The following TNIK variants were observed in gnomAD, a reference collection of about 807,000 sequenced individuals.
TNIK encodes TRAF2 and NCK-interacting protein kinase.
TNIK carries 49 observed loss-of-function variants against 191.3 expected under a neutral mutation model. The ratio of observed to expected loss-of-function variants is 0.26; its 90% CI spans 0.20 to 0.32. TNIK has a LOEUF of 0.32. Ranked by LOEUF, TNIK falls within the 10% of genes least tolerant of loss-of-function variation. TNIK has a pLI of 1.00. For synonymous variants in TNIK, 594 were observed against 600.9 expected (o/e 0.99, Z 0.17); for missense variants, 1,155 against 1,702.3 (o/e 0.68, Z 5.66).
At chr3:171,205,567 T>TC (rs1739954625) in intron 4 of TNIK, among the ~76,000 whole-genome samples, 1 of 152,098 alleles carries the variant, frequency 6.6e-6, no homozygotes. Context: ...TACTTGCAGA[T>TC]CCCCCCTTCA....
chr3:171,322,460 C>G (rs954362833), intron 2 of TNIK, among the ~76,000 whole-genome samples: 3 of 152,064 alleles, frequency 2.0e-5, no homozygotes, highest in African/African-American at 7.2e-5. Flanking sequence ...TTAGTAAATA[C>G]CTTTCAGAAC....
In TNIK at chr3:171,376,380, A is replaced by C. The variant is rs1021908266; in HGVS notation, c.58-6695T>G. On this transcript the variant is annotated intron_variant, in intron 1 of 32. Transcript: ENST00000436636. ...TAAAGCAGTAGAGGTTTGCAGAGTC[A>C]AAGGTCTTGCTTTACACAGTAAGAT... Among the ~76,000 whole-genome samples the C allele has an allele frequency of 5.9e-5, 9 of 152,316 alleles. No individual in the cohort carries two copies. The East Asian group carries it at 1.5e-3, about 26-fold the overall frequency.
chr3:171,380,644 C>T (rs1178322736), intron 1 of TNIK, among the ~76,000 whole-genome samples: 1 of 152,208 alleles, frequency 6.6e-6, no homozygotes, highest in African/African-American at 2.4e-5. Flanking sequence ...GTATGAGGCC[C>T]CCTTTACCAG....
At chr3:171,244,998 C>CCA (rs1745435191) in intron 2 of TNIK, among the ~76,000 whole-genome samples, 1 of 152,052 alleles carries the variant, frequency 6.6e-6, no homozygotes, top group Non-Finnish European at 1.5e-5. Flanking sequence ...TTTAACTATA[C>CCA]CAATAATGAT....
At chr3:171,099,707 G>T (rs1723187638) in intron 22 of TNIK, among the ~76,000 whole-genome samples, 1 of 152,162 alleles carries the variant, frequency 6.6e-6, no homozygotes. Flanking sequence ...AGGCGGGGCT[G>T]TGAGTAGGTG....
At chr3:171,224,386 C>T (rs9985245) in intron 3 of TNIK, among the ~76,000 whole-genome samples, 56,802 of 151,712 alleles carry the variant, frequency 0.37, 11,695 homozygotes, top group African/African-American at 0.54. Flanking sequence ...CCTATATGCA[C>T]TTCAGGGTGT....
intron 2 of TNIK, among the ~76,000 whole-genome samples, chr3:171,281,705 C>G (rs1750444339): frequency 1.3e-5 from 2 of 152,208 alleles, no homozygotes; most frequent in Admixed American, 6.5e-5. Context: ...CAAATATACA[C>G]ATATATAAAC....
chr3:171,417,144 T>C (rs955671675), intron 1 of TNIK, among the ~76,000 whole-genome samples: 2 of 152,240 alleles, frequency 1.3e-5, no homozygotes, highest in African/African-American at 2.4e-5. Context: ...TTGCCAATAA[T>C]TTTATATATT....
At chr3:171,437,220 A>C (rs1045067795) in intron 1 of TNIK, among the ~76,000 whole-genome samples, 1 of 152,166 alleles carries the variant, frequency 6.6e-6, no homozygotes, top group Non-Finnish European at 1.5e-5. Flanking sequence ...TAAAGGAAAA[A>C]AGCACCCAAG....
intron 2 of TNIK, among the ~76,000 whole-genome samples, chr3:171,319,482 A>AT (rs1398061285): frequency 1.3e-5 from 2 of 152,026 alleles, no homozygotes; most frequent in African/African-American, 2.4e-5. Flanking sequence ...CTTCCTTGGT[A>AT]TTTTTTAATA....
At chr3:171,344,706 CTTTTTACAACATTACGAAATTCTCG>C (rs138501679) in intron 2 of TNIK, among the ~76,000 whole-genome samples, 10,441 of 152,074 alleles carry the variant, frequency 0.069, 456 homozygotes, top group South Asian at 0.13. Context: ...TAAATTACCT[CTTTTTACAACATTACGAAATTCTCG>C]TTTTTCTTAA....
In TNIK at chr3:171,250,890, C is replaced by T. The variant is rs1331134067; in HGVS notation, c.124-22669G>A. ...GTTTTTATCTTGCAATCCTCTGCTGCAACAATTATCAATTGATGGTGTCCC... is the reference window on the plus strand; with the variant it reads ...GTTTTTATCTTGCAATCCTCTGCTGTAACAATTATCAATTGATGGTGTCCC... On this transcript the variant is annotated intron_variant, in intron 2 of 32. Coordinates refer to ENST00000436636, the MANE Select transcript of TNIK (RefSeq NM_015028.4). Among the ~76,000 whole-genome samples, 3 of 152,288 alleles carry T rather than the reference C, an allele frequency of 2.0e-5. No homozygotes were observed. In the East Asian group the frequency reaches 5.8e-4, roughly 29 times the overall value.
intron 28 of TNIK, among the ~76,000 whole-genome samples, chr3:171,072,220 A>G (rs1403419077): frequency 1.3e-5 from 2 of 152,206 alleles, no homozygotes; most frequent in African/African-American, 2.4e-5. Flanking sequence ...CATGGCAGTC[A>G]GTTTCTTGGT....
intron 12 of TNIK, among the ~76,000 whole-genome samples, chr3:171,144,627 G>A (rs1164082395): frequency 2.0e-5 from 3 of 152,132 alleles, no homozygotes; most frequent in Non-Finnish European, 4.4e-5. Context: ...GCTTTGTGAC[G>A]AGAGTATTCA....
chr3:171,092,110 T>C (rs546449058), intron 23 of TNIK, among the ~76,000 whole-genome samples: 1 of 152,038 alleles, frequency 6.6e-6, no homozygotes, highest in South Asian at 2.1e-4. Context: ...CCACGACGCC[T>C]GGCTAATTTT....
intron 2 of TNIK, among the ~76,000 whole-genome samples, chr3:171,304,800 T>C (rs964709402): frequency 8.6e-5 from 13 of 151,760 alleles, no homozygotes; most frequent in East Asian, 3.9e-4. Context: ...CAGGTGGGAA[T>C]TGAACAATGA....
Position 171,222,742 on chromosome 3 carries a change from G to T in TNIK, c.180+5423C>A, listed in dbSNP as rs145096635. ...AGAAAGAGATGGAGGCTGGTCATAAGCTTCACCTACAGAAATTCAGTAAGA... is the reference window on the plus strand; with the variant it reads ...AGAAAGAGATGGAGGCTGGTCATAATCTTCACCTACAGAAATTCAGTAAGA... On this transcript the variant is annotated intron_variant, in intron 3 of 32. Transcript: ENST00000436636. Among the ~76,000 whole-genome samples, 221 of 152,252 alleles carry T rather than the reference G, an allele frequency of 1.5e-3. 1 individual carries two copies. Among genetic ancestry groups the T allele is most frequent in the Admixed American group, 4.1e-3 (63 of 15,278 alleles).
chr3:171,272,404 T>A lies in TNIK; in HGVS notation c.124-44183A>T, dbSNP rs1007568216. 2.6e-5 allele frequency among the ~76,000 whole-genome samples: 4 copies of A among 152,168 alleles called. No individual in the cohort carries two copies. The East Asian group carries it at 7.7e-4, about 29-fold the overall frequency. ...TGAGCTAGAGCTCTTCAGCCATGAA[T>A]TGCTAAGGGGTCTTTCCTAAGATGG... On this transcript the variant is annotated intron_variant, in intron 2 of 32. Coordinates refer to ENST00000436636, the MANE Select transcript of TNIK (RefSeq NM_015028.4).
At chr3:171,090,980 T>C (rs537906990) in intron 23 of TNIK, among the ~76,000 whole-genome samples, 39 of 152,258 alleles carry the variant, frequency 2.6e-4, no homozygotes, top group African/African-American at 9.4e-4. Flanking sequence ...TTATAATGAG[T>C]TTTTATTTTA....
Sources: gnomAD v4.1 joint callset for allele counts (sites outside exome capture counted in the v4.1 genomes callset) on GRCh38, gnomAD v4.1.1 for gene constraint, MANE v1.5 for transcripts, NCBI Gene and HGNC (gene_info 2026-07-23, HGNC 2026-07-21) for gene names.